Variants in POLG observed in about 807,000 individuals in gnomAD.
POLG encodes the protein DNA polymerase gamma, catalytic subunit.
A neutral mutation model predicts 155.4 loss-of-function variants in POLG; 110 were observed. That is an observed-to-expected ratio of 0.71 (90% CI 0.61 to 0.83). The LOEUF is 0.83. Among genes scored for constraint, POLG ranks in the 40% least tolerant of loss-of-function variants. POLG has a pLI of 0.00. For missense variants in POLG, 1,685 were observed against 1,627.5 expected, an observed-to-expected ratio of 1.04 and a Z score of -0.61; for synonymous variants, 701 against 631.5, an observed-to-expected ratio of 1.11 and a Z score of -1.65.
rs548076633 is a variant in POLG at position 89,318,553 on chromosome 15, T to A, written c.3470A>T (p.Asn1157Ile). Residue 1157 changes from asparagine (N) to isoleucine (I), a missense_variant, in exon 21 of 23, where the codon AAC (asparagine) becomes ATC (isoleucine). By Grantham distance (149) the Asn-to-Ile change is moderately radical (BLOSUM62 -3). Around this residue, in one of 3 missense-constraint regions of POLG, gnomAD observed 470 missense variants for 439.9 expected, o/e 1.07. Transcript: ENST00000268124. ...YRAALALQITNLLTRCMFAYK... is the reference protein window; with the variant it reads ...YRAALALQITILLTRCMFAYK... ...GGGCCCCGCATACCTGGTCAAGAGG[T>A]TGGTGATCTGCAAGGCCAGGGCAGC... 6.2e-7 allele frequency: 1 copy of A among 1,613,224 alleles called. No homozygotes were observed. Among genetic ancestry groups the A allele is most frequent in the Non-Finnish European group, 8.5e-7 (1 of 1,179,966 alleles).
intron 18 of POLG, among the ~76,000 whole-genome samples, chr15:89,320,285 A>G (rs968544760): frequency 1.3e-5 from 2 of 152,232 alleles, no homozygotes; most frequent in African/African-American, 4.8e-5. Flanking sequence ...AGCACACAGT[A>G]TGCAGTACGA....
At chr15:89,326,496 A>T in intron 9 of POLG, 116 bp downstream of exon 9, 1 of 1,125,770 alleles carries the variant, frequency 8.9e-7, no homozygotes, top group South Asian at 1.4e-5. Context: ...GAATGGCAGC[A>T]GGTCAATAAG....
In POLG at chr15:89,333,596, T is replaced by A. The variant is rs587781118; in HGVS notation, c.159A>T (p.Gln53His). 1.8e-5 allele frequency: 29 copies of A among 1,598,104 alleles called. No homozygotes were observed. Among genetic ancestry groups the A allele is most frequent in the South Asian group, 3.3e-5 (3 of 90,088 alleles). ...GCACTTGCGGCTGCTGAGGCTGCTG[T>A]TGCTGCTGCTGCTGCTGCTGCTGCT... Reference protein sequence around the residue: ...QQQQQQQQQQQQQPQQPQVLS... With the variant: ...QQQQQQQQQQHQQPQQPQVLS... Residue 53 changes from glutamine (Q) to histidine (H), a missense_variant, in exon 2 of 23, where the codon CAA (glutamine) becomes CAT (histidine). By Grantham distance (24) the Gln-to-His change is conservative. Coordinates refer to ENST00000268124, the MANE Select transcript of POLG (RefSeq NM_002693.3).
rs1370685452 is a variant in POLG at position 89,321,204 on chromosome 15, G to C, written c.2655C>G (p.Thr885=). The C allele has an allele frequency of 1.2e-6, 2 of 1,614,060 alleles. No individual in the cohort carries two copies. The highest frequency in any genetic ancestry group is 1.3e-5 in the African/African-American group (1 of 74,924). The change falls in exon 17 of 23, where the codon ACC becomes ACG. Residue 885 remains threonine, a synonymous_variant. Transcript: ENST00000268124. ...GGGAGTCCACATCAGCACCCACAAG[G>C]GTGTAGCCAGGTGGGGCCTGCACCA... ...KAMVQAPPGY[T]LVGADVDSQE...
chr15:89,322,520 C>T (rs1003853518), intron 14 of POLG, among the ~76,000 whole-genome samples: 39 of 152,316 alleles, frequency 2.6e-4, no homozygotes, highest in Non-Finnish European at 5.3e-4. Context: ...GTTGGAGCTA[C>T]GAAGGGCTCT....
rs1239891910 is a variant in POLG at position 89,329,161 on chromosome 15, G to A, written c.856-51C>T. ...AGGGAAGGAGGGAGGCTGCAACTGT[G>A]GGGCCAGCCCACCACTGCTTGGTGG... is the stretch of plus-strand genomic sequence containing the variant. On this transcript the variant is annotated intron_variant, in intron 3 of 22. Transcript: ENST00000268124. The A allele has an allele frequency of 9.9e-6, 15 of 1,517,826 alleles. No individual in the cohort carries two copies. In the East Asian group the frequency reaches 1.4e-4, roughly 14 times the overall value. 94.0% of individuals were successfully genotyped at this position (1,517,826 alleles called of 1,614,324 possible).
At chr15:89,332,725 C>T (rs962761884) in intron 2 of POLG, among the ~76,000 whole-genome samples, 121 of 152,264 alleles carry the variant, frequency 7.9e-4, no homozygotes, top group Non-Finnish European at 1.3e-3. Flanking sequence ...TAATTAATAG[C>T]TCCCCAAATA....
At chr15:89,324,937 C>A (rs530967286) in intron 10 of POLG, among the ~76,000 whole-genome samples, 3 of 152,212 alleles carry the variant, frequency 2.0e-5, no homozygotes, top group Non-Finnish European at 2.9e-5. Context: ...AAGAGTAGGG[C>A]CTTTAGTCCT....
In POLG at chr15:89,320,887, T is replaced by TG; in HGVS notation, c.2859dup (p.Ile954HisfsTer10). The TG allele has an allele frequency of 6.2e-7, 1 of 1,613,958 alleles. No homozygotes were observed. Among genetic ancestry groups the TG allele is most frequent in the Non-Finnish European group, 8.5e-7 (1 of 1,180,020 alleles). ...GCAAAGGGCTGCCCAGCACCATAGA[T>TG]GCGGCCGTAGTTGAAGATTTTGGCA... On this transcript the variant is annotated frameshift_variant, in exon 18 of 23. Transcript: ENST00000268124. LOFTEE classifies it high-confidence loss of function.
Position 89,323,482 on chromosome 15 carries a change from C to T in POLG, c.2187G>A (p.Gln729=), listed in dbSNP as rs539787090. The T allele has an allele frequency of 1.9e-6, 3 of 1,613,836 alleles. No individual in the cohort carries two copies. Among genetic ancestry groups the T allele is most frequent in the South Asian group, 1.1e-5 (1 of 91,078 alleles). The change falls in exon 13 of 23, where the codon CAG becomes CAA. Residue 729 remains glutamine (Q), a synonymous_variant. Coordinates refer to ENST00000268124, the MANE Select transcript of POLG (RefSeq NM_002693.3). ...GTCCATTGCCATGGTGATAGCTGGG[C>T]TGGGTGTCCTTGGGGCCACCACGGG... ...LTARGGPKDT[Q]PSYHHGNGPY...
intron 10 of POLG, 104 bp downstream of exon 10, chr15:89,325,346 A>C (rs2055500323): frequency 1.3e-6 from 1 of 762,230 alleles, no homozygotes. Flanking sequence ...CTTCTTCTGA[A>C]CCCAGACTCT....
At position 89,329,235 on chromosome 15, in the gene POLG, G is replaced by C. The variant is rs547714011; in HGVS notation, c.856-125C>G. 2.8e-5 allele frequency: 21 copies of C among 762,792 alleles called. No individual in the cohort carries two copies. The East Asian group carries it at 5.6e-4, about 20-fold the overall frequency. The allele number at this position is 762,792 out of a possible 1,614,324, so 47.3% of individuals were successfully genotyped here. ...GCTCCTCAAACAGCCTCCCCTCCCA[G>C]CACACAGCCTTCAACACCAAATACA... is the stretch of plus-strand genomic sequence containing the variant. On this transcript the variant is annotated intron_variant, in intron 3 of 22. Transcript: ENST00000268124.
At position 89,333,681 on chromosome 15, in the gene POLG, C is replaced by G. The variant is rs1157410900; in HGVS notation, c.74G>C (p.Trp25Ser). 1.3e-6 allele frequency: 2 copies of G among 1,548,192 alleles called. No individual in the cohort carries two copies. The highest frequency in any genetic ancestry group is 1.7e-6 in the Non-Finnish European group (2 of 1,152,446). ...GPGPVPAPGR[W>S]VSSSVPASDP... is the part of the protein sequence containing the mutation. ...GGACGCGGGGACGGAGCTGGAGACCCAGCGCCCCGGAGCTGGAACCGGCCC... is the reference window on the plus strand; with the variant it reads ...GGACGCGGGGACGGAGCTGGAGACCGAGCGCCCCGGAGCTGGAACCGGCCC... The change falls in exon 2 of 23, where the codon TGG (tryptophan) becomes TCG (serine). Residue 25 changes from tryptophan to serine, a missense_variant. Physicochemically the swap from Trp to Ser is radical, Grantham distance 177. This residue lies in a region of POLG where 1,210 missense variants were observed against 1,167.1 expected (regional missense o/e 1.04). Coordinates refer to ENST00000268124, the MANE Select transcript of POLG (RefSeq NM_002693.3).
rs916916820 is a variant in POLG, at chr15:89,316,449, G to T, written c.*302C>A. ...AACAAAGAACCAGCCAAGAAGAAAA[G>T]GAAAAAATAAATGAAATGCCTGAGT... is the stretch of plus-strand genomic sequence containing the variant. On this transcript the variant is annotated 3_prime_UTR_variant, in exon 23 of 23. Transcript: ENST00000268124. The T allele has an allele frequency of 5.0e-6, 8 of 1,610,572 alleles. No individual in the cohort carries two copies. Among genetic ancestry groups the T allele is most frequent in the Non-Finnish European group, 6.8e-6 (8 of 1,177,990 alleles).
chr15:89,333,964 T>C (rs2055635775), intron 1 of POLG, 51 bp from the exon 2 acceptor site: 1 of 610,246 alleles, frequency 1.6e-6, no homozygotes, highest in Non-Finnish European at 2.9e-6. Context: ...ATGTAATAGG[T>C]GTATCCATAA....
chr15:89,328,576 C>T, intron 5 of POLG, 41 bp from the exon 6 acceptor site: 1 of 1,605,862 alleles, frequency 6.2e-7, no homozygotes, highest in East Asian at 2.2e-5. Context: ...GGGCAGCCAT[C>T]CCATTACCAC....
At chr15:89,324,343 A>G in intron 10 of POLG, 116 bp from the exon 11 acceptor site, 1 of 1,186,098 alleles carries the variant, frequency 8.4e-7, no homozygotes, top group Non-Finnish European at 1.2e-6. Context: ...ATCAGCTCTG[A>G]GGCAGAACCA....
chr15:89,318,304 C>G (rs1258646999), intron 21 of POLG, among the ~76,000 whole-genome samples: 1 of 152,232 alleles, frequency 6.6e-6, no homozygotes, highest in Non-Finnish European at 1.5e-5. Context: ...CTGCTTCCCT[C>G]AATGATCAGT....
chr15:89,321,113 G>T lies in POLG; in HGVS notation c.2734+12C>A, dbSNP rs200538184. On this transcript the variant is annotated intron_variant, in intron 17 of 22. Coordinates refer to ENST00000268124, the MANE Select transcript of POLG (RefSeq NM_002693.3). ...GAGGGGCTGGGCTGCCCCAACCCCG[G>T]CTCCTGCTCACCATGCATGCCGGCA... 6.2e-7 allele frequency: 1 copy of T among 1,614,066 alleles called. No individual in the cohort carries two copies. Among genetic ancestry groups the T allele is most frequent in the Non-Finnish European group, 8.5e-7 (1 of 1,180,048 alleles).
Sources: allele counts gnomAD v4.1 joint callset (sites outside exome capture counted in the v4.1 genomes callset), GRCh38; gene constraint gnomAD v4.1.1; regional missense constraint gnomAD v4.1.1; transcripts MANE v1.5; gene names NCBI Gene and HGNC (gene_info 2026-07-23, HGNC 2026-07-21).